Variants in COL23A1 observed in about 807,000 individuals in gnomAD.
The protein encoded by COL23A1 is collagen alpha-1(XXIII) chain.
Under a neutral mutation model 99.3 loss-of-function variants are expected in COL23A1, and 97 were observed. That is an observed-to-expected ratio of 0.98 (90% CI 0.83 to 1.16). The LOEUF is 1.16. Among genes scored for constraint, COL23A1 ranks in the 50% most tolerant of loss-of-function variants. The pLI is 0.00. For synonymous variants in COL23A1, 320 were observed against 308.2 expected (o/e 1.04, Z -0.40); for missense variants, 762 against 757.4 (o/e 1.01, Z -0.07).
At chr5:178,467,041 G>T (rs1253157690) in intron 2 of COL23A1, among the ~76,000 whole-genome samples, 2 of 152,242 alleles carry the variant, frequency 1.3e-5, no homozygotes, top group African/African-American at 4.8e-5. Context: ...TACGTAAAAT[G>T]CCGTGGCAGC....
intron 2 of COL23A1, among the ~76,000 whole-genome samples, chr5:178,457,580 T>A (rs1252348076): frequency 6.6e-6 from 1 of 152,202 alleles, no homozygotes; most frequent in African/African-American, 2.4e-5. Flanking sequence ...AAAAAAATTT[T>A]ACTTCAAATA....
intron 2 of COL23A1, among the ~76,000 whole-genome samples, chr5:178,332,705 T>C (rs1760098083): frequency 6.6e-6 from 1 of 151,940 alleles, no homozygotes; most frequent in Admixed American, 6.6e-5. Context: ...TGGTTCCAAG[T>C]CACCTTTATT....
intron 2 of COL23A1, among the ~76,000 whole-genome samples, chr5:178,316,038 C>G (rs1361756116): frequency 6.6e-6 from 1 of 151,990 alleles, no homozygotes; most frequent in Non-Finnish European, 1.5e-5. Flanking sequence ...AATTTTTTTT[C>G]TTCTGAAGCT....
intron 2 of COL23A1, among the ~76,000 whole-genome samples, chr5:178,375,026 A>C (rs1394297886): frequency 6.6e-6 from 1 of 152,352 alleles, no homozygotes; most frequent in East Asian, 1.9e-4. Flanking sequence ...AACCGAAATC[A>C]CCGTCAGCTG....
At chr5:178,509,871 T>C (rs1169634084) in intron 2 of COL23A1, among the ~76,000 whole-genome samples, 1 of 152,210 alleles carries the variant, frequency 6.6e-6, no homozygotes, top group Non-Finnish European at 1.5e-5. Context: ...TCAGCTACTA[T>C]TTAAACCATA....
At chr5:178,336,513 T>C (rs1395060658) in intron 2 of COL23A1, among the ~76,000 whole-genome samples, 6 of 152,214 alleles carry the variant, frequency 3.9e-5, no homozygotes, top group Admixed American at 3.3e-4. Context: ...TGTGATTCCA[T>C]TTATATGAAA....
At chr5:178,245,757 C>T (rs1020393754) in intron 25 of COL23A1, among the ~76,000 whole-genome samples, 185 bp downstream of exon 25, 1 of 152,206 alleles carries the variant, frequency 6.6e-6, no homozygotes, top group Non-Finnish European at 1.5e-5. Context: ...TTCATCTATC[C>T]ACAAAGGACC....
intron 1 of COL23A1, among the ~76,000 whole-genome samples, chr5:178,565,737 A>G (rs550640718): frequency 6.6e-6 from 1 of 152,180 alleles, no homozygotes; most frequent in East Asian, 1.9e-4. Flanking sequence ...TCAGGGCTGG[A>G]CTTAAATCCT....
At chr5:178,452,090 G>A (rs937006281) in intron 2 of COL23A1, among the ~76,000 whole-genome samples, 1 of 152,090 alleles carries the variant, frequency 6.6e-6, no homozygotes, top group East Asian at 1.9e-4. Flanking sequence ...GGGAGGATAA[G>A]TCCTATCAGA....
At chr5:178,364,631 C>T (rs1158212612) in intron 2 of COL23A1, among the ~76,000 whole-genome samples, 1 of 152,100 alleles carries the variant, frequency 6.6e-6, no homozygotes, top group South Asian at 2.1e-4. Context: ...GAAGGGTGGT[C>T]GGGGAGGCGC....
intron 2 of COL23A1, among the ~76,000 whole-genome samples, chr5:178,408,972 AAAT>A (rs1275884397): frequency 1.3e-5 from 1 of 77,710 alleles, no homozygotes; most frequent in African/African-American, 5.6e-5. Flanking sequence ...AAAAAAAAAA[AAAT>A]ACACACACAC....
intron 2 of COL23A1, among the ~76,000 whole-genome samples, chr5:178,447,401 G>A (rs951965225): frequency 3.2e-4 from 49 of 152,270 alleles, no homozygotes; most frequent in African/African-American, 1.1e-3. Flanking sequence ...ACAGTCATGT[G>A]CCACATAACA....
At position 178,404,073 on chromosome 5, in the gene COL23A1, T is replaced by C. The variant is rs568148531; in HGVS notation, c.362-97154A>G. Among the ~76,000 whole-genome samples the C allele has an allele frequency of 3.9e-5, 6 of 152,322 alleles. No individual in the cohort carries two copies. In the South Asian group the frequency reaches 6.2e-4, roughly 16 times the overall value. On this transcript the variant is annotated intron_variant, in intron 2 of 28. Coordinates refer to ENST00000390654, the MANE Select transcript of COL23A1 (RefSeq NM_173465.4). The stretch of plus-strand genomic sequence containing the variant: ...GTCTCCTGCACCCCATGTCTCCCCA[T>C]GGCCCTGCACACACCCTGCCTCCAT...
At chr5:178,528,237 T>C (rs1217858439) in intron 2 of COL23A1, among the ~76,000 whole-genome samples, 1 of 152,202 alleles carries the variant, frequency 6.6e-6, no homozygotes, top group African/African-American at 2.4e-5. Context: ...ATTAAAGCTC[T>C]TCCTCACCTA....
intron 2 of COL23A1, among the ~76,000 whole-genome samples, chr5:178,512,250 T>C (rs1378237775): frequency 6.6e-6 from 1 of 152,236 alleles, no homozygotes; most frequent in Non-Finnish European, 1.5e-5. Context: ...AGAATTGTAA[T>C]TGATCACATA....
chr5:178,538,257 G>T (rs1015545321), intron 2 of COL23A1, among the ~76,000 whole-genome samples: 1 of 152,242 alleles, frequency 6.6e-6, no homozygotes, highest in East Asian at 1.9e-4. Context: ...AGCTCACACT[G>T]GAAGAAACTT....
chr5:178,523,427 C>CAAAAAAAAAAAAA (rs56695333), intron 2 of COL23A1: 2 of 94,204 alleles, frequency 2.1e-5, no homozygotes, highest in African/African-American at 3.9e-5. Context: ...AACTCTGTCT[C>CAAAAAAAAAAAAA]AAAAAAAAAA....
chr5:178,342,973 C>A (rs1410330108), intron 2 of COL23A1, among the ~76,000 whole-genome samples: 1 of 152,188 alleles, frequency 6.6e-6, no homozygotes, highest in African/African-American at 2.4e-5. Flanking sequence ...TTCCAACAAC[C>A]ACATGGACTG....
At chr5:178,588,163 C>T (rs575309060) in intron 1 of COL23A1, among the ~76,000 whole-genome samples, 105 of 152,292 alleles carry the variant, frequency 6.9e-4, no homozygotes, top group African/African-American at 2.5e-3. Context: ...TGTCCAATAA[C>T]TCATTGTTCA....
Sources: gnomAD v4.1 joint callset for allele counts (sites outside exome capture counted in the v4.1 genomes callset) on GRCh38, gnomAD v4.1.1 for gene constraint, MANE v1.5 for transcripts, NCBI Gene and HGNC (gene_info 2026-07-23, HGNC 2026-07-21) for gene names.